LARGE1: variants seen among roughly 807,000 people sequenced by gnomAD.
LARGE1 encodes xylosyl- and glucuronyltransferase LARGE1.
A neutral mutation model predicts 87.6 loss-of-function variants in LARGE1; 43 were observed. The observed-to-expected ratio is 0.49, with a 90% CI of 0.38 to 0.63. LARGE1 has a LOEUF of 0.63. Among genes scored for constraint, LARGE1 ranks in the 30% least tolerant of loss-of-function variants. The probability of loss-of-function intolerance (pLI) is 0.00; values close to 1 mark genes in which losing one functional copy is unlikely to be tolerated. For synonymous variants in LARGE1, 434 were observed against 394.6 expected (o/e 1.10, Z -1.18); for missense variants, 802 against 1,000.2 (o/e 0.80, Z 2.67).
chr22:33,166,592 C>T lies in LARGE1; in HGVS notation c.*171G>A, dbSNP rs1241806176. On this transcript the variant is annotated 3_prime_UTR_variant, in exon 12 of 12. Transcript: ENST00000608642. ...CCTGCCATGTACTACTTCAATCTTACCACGGGGATGATGTTCACCTGGCAT... is the reference window on the plus strand; with the variant it reads ...CCTGCCATGTACTACTTCAATCTTATCACGGGGATGATGTTCACCTGGCAT... The T allele has an allele frequency of 1.4e-5, 5 of 369,502 alleles. No individual in the cohort carries two copies. In the Admixed American group the frequency reaches 1.7e-4, roughly 12 times the overall value. 22.9% of individuals were successfully genotyped at this position (369,502 alleles called of 1,614,324 possible).
chr22:33,897,047 A>G (rs897997151), intron 1 of LARGE1, among the ~76,000 whole-genome samples: 1 of 152,076 alleles, frequency 6.6e-6, no homozygotes, highest in African/African-American at 2.4e-5. Context: ...CTTCACCCCA[A>G]CGTTAGCAGA....
intron 6 of LARGE1, among the ~76,000 whole-genome samples, chr22:33,476,220 CAAACGCAT>C (rs2069070790): frequency 6.6e-6 from 1 of 152,228 alleles, no homozygotes; most frequent in Non-Finnish European, 1.5e-5. Context: ...TCACCTGAGA[CAAACGCAT>C]ACCTGGATTG....
At chr22:33,920,699 G>C (rs1458371759), upstream of LARGE1, among the ~76,000 whole-genome samples, 1 of 145,620 alleles carries the variant, frequency 6.9e-6, no homozygotes, top group African/African-American at 2.5e-5. Context: ...CGGCGCGGTG[G>C]GTGCGGGGAG....
intron 5 of LARGE1, among the ~76,000 whole-genome samples, chr22:33,584,675 GA>G (rs71187271): frequency 2.0e-4 from 30 of 146,522 alleles, no homozygotes; most frequent in Admixed American, 6.8e-4. Context: ...CTGTGCTACT[GA>G]AAAAAAAAAA....
Position 33,603,720 on chromosome 22 carries a change from G to A in LARGE1, c.615+715C>T, listed in dbSNP as rs2079171291. Among the ~76,000 whole-genome samples the A allele has an allele frequency of 1.3e-5, 2 of 152,150 alleles. 1 individual carries two copies. Among genetic ancestry groups the A allele is most frequent in the South Asian group, 4.1e-4 (2 of 4,824 alleles). On this transcript the variant is annotated intron_variant, in intron 5 of 14. Transcript: ENST00000397394. ...AGTTAAAGGAATAGCGAAGGTTTAC[G>A]GGAATGCCAGTGACAAGACTGGAAG...
intron 1 of LARGE1, among the ~76,000 whole-genome samples, chr22:33,829,210 T>C (rs1027336704): frequency 2.0e-5 from 3 of 151,964 alleles, no homozygotes; most frequent in African/African-American, 7.3e-5. Context: ...GGTTTCGCCA[T>C]GTTGTCCAGG....
the LARGE1 span, among the ~76,000 whole-genome samples, chr22:33,127,774 TGAC>T: frequency 0.018 from 2,684 of 151,520 alleles, 83 homozygotes; most frequent in African/African-American, 0.062. Context: ...AATGATTGAC[TGAC>T]TGAGAAATCA....
At chr22:33,495,081 G>T (rs2070039011) in intron 6 of LARGE1, among the ~76,000 whole-genome samples, 1 of 151,994 alleles carries the variant, frequency 6.6e-6, no homozygotes, top group Non-Finnish European at 1.5e-5. Context: ...TGATTCCACT[G>T]CCTAACACTC....
chr22:33,484,056 T>C (rs184226482), intron 6 of LARGE1, among the ~76,000 whole-genome samples: 6 of 152,296 alleles, frequency 3.9e-5, no homozygotes, highest in Admixed American at 3.3e-4. Flanking sequence ...AATACATTTA[T>C]CTACCCGGGC....
chr22:33,482,232 C>T (rs1025396934), intron 6 of LARGE1, among the ~76,000 whole-genome samples: 12 of 152,170 alleles, frequency 7.9e-5, no homozygotes, highest in African/African-American at 2.4e-4. Flanking sequence ...AAAAACCTCT[C>T]GGAGACTCTA....
intron 1 of LARGE1, among the ~76,000 whole-genome samples, chr22:33,891,018 CTGTGCATATGGGAAGCTGCATACGGT>C (rs1209916089): frequency 4.7e-4 from 4 of 8,496 alleles, no homozygotes; most frequent in African/African-American, 3.4e-3. Context: ...CCATATGGTT[CTGTGCATATGGGAAGCTGCATACGGT>C]TCTGTGCATA....
At chr22:33,593,114 C>T (rs898223553) in intron 5 of LARGE1, among the ~76,000 whole-genome samples, 6 of 152,232 alleles carry the variant, frequency 3.9e-5, no homozygotes, top group Admixed American at 1.3e-4. Context: ...GCTGGGATTA[C>T]AGGCGTGAGC....
At chr22:33,652,840 C>T (rs757793937) in intron 2 of LARGE1, among the ~76,000 whole-genome samples, 1 of 152,076 alleles carries the variant, frequency 6.6e-6, no homozygotes, top group Non-Finnish European at 1.5e-5. Flanking sequence ...TCCTCTTAAT[C>T]ACCTCAGGGT....
intron 1 of LARGE1, among the ~76,000 whole-genome samples, chr22:33,792,611 T>G (rs1315711266): frequency 6.6e-6 from 1 of 152,068 alleles, no homozygotes; most frequent in Admixed American, 6.6e-5. Flanking sequence ...CAGAAAATAA[T>G]GAGGCATCTT....
At chr22:33,821,939 G>C (rs73171915) in intron 1 of LARGE1, among the ~76,000 whole-genome samples, 2 of 143,746 alleles carry the variant, frequency 1.4e-5, no homozygotes, top group Non-Finnish European at 3.0e-5. Context: ...TTCCGTTTAA[G>C]TGACTTTTTT....
chr22:33,414,799 G>A lies in LARGE1; in HGVS notation c.892+17362C>T, dbSNP rs185033000. ...TGCAGTCCTCAAGAATGGGATTTGT[G>A]CCCTTATAAAAGAGACCCCAGAGAG... is the stretch of plus-strand genomic sequence containing the variant. On this transcript the variant is annotated intron_variant, in intron 7 of 14. Coordinates refer to ENST00000397394, the MANE Select transcript of LARGE1 (RefSeq NM_133642.5). 1.8e-3 allele frequency among the ~76,000 whole-genome samples: 268 copies of A among 152,206 alleles called. 3 individuals are homozygous for A. Among genetic ancestry groups the A allele is most frequent in the African/African-American group, 6.2e-3 (258 of 41,512 alleles).
intron 1 of LARGE1, among the ~76,000 whole-genome samples, chr22:33,857,485 T>C (rs1056864601): frequency 2.6e-5 from 4 of 152,254 alleles, no homozygotes; most frequent in African/African-American, 9.6e-5. Flanking sequence ...CAAGGACACA[T>C]ACTAACAAAA....
chr22:33,751,672 T>C (rs1343407006), intron 2 of LARGE1, among the ~76,000 whole-genome samples: 1 of 152,138 alleles, frequency 6.6e-6, no homozygotes, highest in Admixed American at 6.5e-5. Context: ...TGGAATCCTA[T>C]AGTATGTATT....
At chr22:33,114,707 G>C in the LARGE1 span, among the ~76,000 whole-genome samples, 2 of 152,176 alleles carry the variant, frequency 1.3e-5, no homozygotes, top group Non-Finnish European at 2.9e-5. Flanking sequence ...GCAGATAGTG[G>C]CTCTGTGGCC....
Sources: allele counts gnomAD v4.1 joint callset (sites outside exome capture counted in the v4.1 genomes callset), GRCh38; gene constraint gnomAD v4.1.1; transcripts MANE v1.5; gene names NCBI Gene and HGNC (gene_info 2026-07-23, HGNC 2026-07-21).